PPARGC1A: variants seen among roughly 807,000 people sequenced by gnomAD.
PPARGC1A encodes the protein PPARG coactivator 1 alpha, also known as peroxisome proliferator-activated receptor gamma coactivator 1-alpha.
A neutral mutation model predicts 88.7 loss-of-function variants in PPARGC1A; 25 were observed. That is an observed-to-expected ratio of 0.28 (90% CI 0.21 to 0.39). The LOEUF (loss-of-function observed/expected upper bound fraction) is 0.39. PPARGC1A is among the 10% of genes least tolerant of loss of function. The pLI, the probability that PPARGC1A is intolerant of heterozygous loss-of-function variation, is 1.00. For synonymous variants in PPARGC1A, 363 were observed against 355.6 expected (o/e 1.02, Z -0.24); for missense variants, 880 against 968.7 (o/e 0.91, Z 1.22).
chr4:23,952,825 G>A, the PPARGC1A span, among the ~76,000 whole-genome samples: 6 of 151,932 alleles, frequency 3.9e-5, no homozygotes, highest in African/African-American at 1.2e-4. Flanking sequence ...GTGCCTCTAC[G>A]TGGCTATTTG....
the PPARGC1A span, among the ~76,000 whole-genome samples, chr4:24,279,967 TAG>T: frequency 1.3e-5 from 2 of 151,980 alleles, no homozygotes; most frequent in African/African-American, 4.8e-5. Context: ...GAGCTATTAT[TAG>T]AGAGGCCCAG....
chr4:23,997,830 G>C, the PPARGC1A span, among the ~76,000 whole-genome samples: 1 of 152,124 alleles, frequency 6.6e-6, no homozygotes, highest in Admixed American at 6.6e-5. Flanking sequence ...GTTGGCAATA[G>C]AGATGGTTCA....
the PPARGC1A span, among the ~76,000 whole-genome samples, chr4:24,387,842 G>GAGAA: frequency 1.2e-4 from 14 of 117,632 alleles, no homozygotes; most frequent in African/African-American, 4.7e-4. Context: ...GAGAGAAAGA[G>GAGAA]AGAGAGAAAG....
the PPARGC1A span, among the ~76,000 whole-genome samples, chr4:24,308,008 C>T: frequency 3.3e-5 from 5 of 152,106 alleles, no homozygotes; most frequent in South Asian, 4.2e-4. Context: ...GAAATCAGAT[C>T]GGGCTGGGTG....
the PPARGC1A span, among the ~76,000 whole-genome samples, chr4:24,391,969 A>G: frequency 6.6e-6 from 1 of 152,210 alleles, no homozygotes; most frequent in African/African-American, 2.4e-5. Flanking sequence ...AGAAGGTACA[A>G]GCAGAAATTA....
chr4:23,925,542 T>A, the PPARGC1A span, among the ~76,000 whole-genome samples: 2 of 152,124 alleles, frequency 1.3e-5, no homozygotes, highest in African/African-American at 4.8e-5. Context: ...TAAAAGAGAT[T>A]GAGGACAAAC....
chr4:24,163,409 A>G, the PPARGC1A span, among the ~76,000 whole-genome samples: 2 of 152,016 alleles, frequency 1.3e-5, no homozygotes, highest in African/African-American at 2.4e-5. Context: ...GGGTTCACCA[A>G]CTACTTTTAA....
chr4:24,115,683 G>C, the PPARGC1A span, among the ~76,000 whole-genome samples: 1 of 152,112 alleles, frequency 6.6e-6, no homozygotes, highest in Admixed American at 6.6e-5. Context: ...AAATGCAATC[G>C]TTTTCATATA....
the PPARGC1A span, among the ~76,000 whole-genome samples, chr4:24,138,117 C>T: frequency 6.6e-6 from 1 of 152,180 alleles, no homozygotes; most frequent in South Asian, 2.1e-4. Context: ...TCTGTGTGCT[C>T]ACCAGATTAA....
the PPARGC1A span, among the ~76,000 whole-genome samples, chr4:24,021,853 T>C: frequency 6.6e-6 from 1 of 152,172 alleles, no homozygotes; most frequent in Admixed American, 6.5e-5. Flanking sequence ...CACCTATAGC[T>C]GGGATGAGTA....
At chr4:24,438,212 A>G in the PPARGC1A span, among the ~76,000 whole-genome samples, 1 of 152,122 alleles carries the variant, frequency 6.6e-6, no homozygotes, top group Non-Finnish European at 1.5e-5. Flanking sequence ...AAAAGGGAGG[A>G]TGATCCTTGG....
the PPARGC1A span, among the ~76,000 whole-genome samples, chr4:24,106,385 T>C: frequency 3.3e-5 from 5 of 152,176 alleles, no homozygotes; most frequent in East Asian, 9.6e-4. Context: ...GGACAGAATA[T>C]GAAATTAGGT....
the PPARGC1A span, among the ~76,000 whole-genome samples, chr4:24,006,036 GTGT>G: frequency 3.3e-5 from 5 of 151,938 alleles, no homozygotes; most frequent in African/African-American, 7.3e-5. Context: ...TTTTGTTTTT[GTGT>G]TGTTGTTGTT....
chr4:24,362,529 T>C, the PPARGC1A span, among the ~76,000 whole-genome samples: 1 of 152,216 alleles, frequency 6.6e-6, no homozygotes, highest in Admixed American at 6.5e-5. Flanking sequence ...TAGTTTTTTT[T>C]TCCTCCAAAA....
At chr4:24,126,326 G>T in the PPARGC1A span, among the ~76,000 whole-genome samples, 1 of 144,248 alleles carries the variant, frequency 6.9e-6, no homozygotes, top group Non-Finnish European at 1.5e-5. Context: ...ATGGGTAAAT[G>T]GACTCAAAAT....
chr4:24,380,772 C>T, the PPARGC1A span, among the ~76,000 whole-genome samples: 2 of 151,710 alleles, frequency 1.3e-5, no homozygotes, highest in East Asian at 3.9e-4. Flanking sequence ...GCGTCTAAAG[C>T]CCTTCCCAGG....
At chr4:24,037,952 C>A in the PPARGC1A span, among the ~76,000 whole-genome samples, 1 of 152,144 alleles carries the variant, frequency 6.6e-6, no homozygotes, top group Non-Finnish European at 1.5e-5. Context: ...ACCTAAATGT[C>A]TAGAATAATC....
chr4:23,946,144 A>T, the PPARGC1A span, among the ~76,000 whole-genome samples: 2 of 152,178 alleles, frequency 1.3e-5, no homozygotes, highest in Non-Finnish European at 2.9e-5. Flanking sequence ...CTCACAACAC[A>T]TCACAGGGTA....
the PPARGC1A span, among the ~76,000 whole-genome samples, chr4:24,283,525 A>G: frequency 6.6e-6 from 1 of 152,210 alleles, no homozygotes; most frequent in African/African-American, 2.4e-5. Flanking sequence ...CAACTCTTTA[A>G]CCTGATGAAC....
Sources: gnomAD v4.1 joint callset for allele counts (sites outside exome capture counted in the v4.1 genomes callset) on GRCh38, gnomAD v4.1.1 for gene constraint, MANE v1.5 for transcripts, NCBI Gene and HGNC (gene_info 2026-07-23, HGNC 2026-07-21) for gene names.